The following AOPEP variants were observed in gnomAD, a reference collection of about 807,000 sequenced individuals.
AOPEP encodes aminopeptidase O (putative), also known as aminopeptidase O.
In AOPEP, 77 loss-of-function variants were observed where a neutral mutation model predicts 98.1. The ratio of observed to expected loss-of-function variants is 0.78; its 90% CI spans 0.65 to 0.95. The LOEUF is 0.95. AOPEP is among the 40% of genes least tolerant of loss of function. AOPEP has a pLI of 0.00. For synonymous variants in AOPEP, 346 were observed against 365.3 expected, an observed-to-expected ratio of 0.95 and a Z score of 0.60; for missense variants, 1,024 against 1,024.7, an observed-to-expected ratio of 1.00 and a Z score of 0.01.
At chr9:94,918,430 CAG>C (rs1174536738) in intron 5 of AOPEP, among the ~76,000 whole-genome samples, 1 of 152,182 alleles carries the variant, frequency 6.6e-6, no homozygotes, top group Non-Finnish European at 1.5e-5. Context: ...CTCCTGAAGA[CAG>C]AGCTCCTGGG....
the AOPEP span, among the ~76,000 whole-genome samples, chr9:95,131,026 C>T: frequency 6.6e-6 from 1 of 152,126 alleles, no homozygotes; most frequent in East Asian, 1.9e-4. Flanking sequence ...ATTCAGGTTC[C>T]TTTTAACAAA....
the AOPEP span, among the ~76,000 whole-genome samples, chr9:95,104,015 G>C: frequency 2.0e-5 from 3 of 152,174 alleles, no homozygotes; most frequent in African/African-American, 7.2e-5. Flanking sequence ...GGTCCTGAGG[G>C]TGGAGAGACC....
intron 11 of AOPEP, among the ~76,000 whole-genome samples, chr9:94,990,863 G>C (rs904375796): frequency 6.6e-6 from 1 of 152,036 alleles, no homozygotes; most frequent in Non-Finnish European, 1.5e-5. Flanking sequence ...CCTGACCTCA[G>C]GTGATCCTCC....
At chr9:94,944,160 A>C (rs1008501477) in intron 7 of AOPEP, among the ~76,000 whole-genome samples, 1 of 152,298 alleles carries the variant, frequency 6.6e-6, no homozygotes, top group East Asian at 1.9e-4. Context: ...CTGTTGGTAA[A>C]ATGGTGCAGC....
intron 4 of AOPEP, among the ~76,000 whole-genome samples, chr9:94,797,429 CAAAA>C (rs536953016): frequency 3.1e-5 from 3 of 97,508 alleles, no homozygotes; most frequent in Admixed American, 1.0e-4. Flanking sequence ...GACTCCGTCT[CAAAA>C]AAAAAAAAAA....
chr9:95,071,184 G>A (rs958455402), intron 14 of AOPEP, among the ~76,000 whole-genome samples: 19 of 152,010 alleles, frequency 1.2e-4, no homozygotes, highest in African/African-American at 4.6e-4. Flanking sequence ...CAGTTATTAG[G>A]ATATTTGTAT....
intron 6 of AOPEP, 67 bp from the exon 7 acceptor site, chr9:94,928,358 A>G (rs1249354484): frequency 2.6e-6 from 3 of 1,161,080 alleles, no homozygotes; most frequent in South Asian, 2.7e-5. Context: ...AAAGTGAGCC[A>G]TTGCACCAGG....
intron 5 of AOPEP, among the ~76,000 whole-genome samples, chr9:94,854,607 A>T (rs1268396659): frequency 6.6e-6 from 1 of 152,216 alleles, no homozygotes; most frequent in Non-Finnish European, 1.5e-5. Context: ...AGAACTAATG[A>T]CATACTATAG....
At chr9:95,136,986 C>G in the AOPEP span, among the ~76,000 whole-genome samples, 1 of 152,196 alleles carries the variant, frequency 6.6e-6, no homozygotes, top group Non-Finnish European at 1.5e-5. Flanking sequence ...ACATCCCAGA[C>G]AGTGGGTGCT....
chr9:94,927,463 A>G (rs2054525930), intron 6 of AOPEP, among the ~76,000 whole-genome samples: 1 of 151,990 alleles, frequency 6.6e-6, no homozygotes, highest in Admixed American at 6.6e-5. Context: ...ATGCCTTGCC[A>G]TTCTCTAAGC....
chr9:94,946,744 G>A (rs1048812437), intron 7 of AOPEP, among the ~76,000 whole-genome samples: 1 of 152,144 alleles, frequency 6.6e-6, no homozygotes, highest in Non-Finnish European at 1.5e-5. Context: ...CCGCATGCCT[G>A]GGAGAACGTT....
Position 94,818,875 on chromosome 9 carries a change from C to T in AOPEP, c.1364+17873C>T, listed in dbSNP as rs1852308424. 2.0e-5 allele frequency among the ~76,000 whole-genome samples: 3 copies of T among 152,062 alleles called. No individual in the cohort carries two copies. The South Asian group carries it at 6.2e-4, about 32-fold the overall frequency. The stretch of plus-strand genomic sequence containing the variant: ...CGGGCATGGTGGCGGGCACCTGTAG[C>T]CCCAGCCACTCGGGACGCTGAGGCA... On this transcript the variant is annotated intron_variant, in intron 5 of 16. Transcript: ENST00000375315.
In AOPEP at chr9:94,747,640, A is replaced by G. The variant is rs55946331; in HGVS notation, c.-135-12009A>G. On this transcript the variant is annotated intron_variant, in intron 1 of 16. Coordinates refer to ENST00000375315, the MANE Select transcript of AOPEP (RefSeq NM_001193329.3). ...AAAGATTAAAATTTTACCAGAGATA[A>G]TGGTGGTCATTAGATTGGCCAGTTT... 4.7e-3 allele frequency among the ~76,000 whole-genome samples: 713 copies of G among 152,368 alleles called. 9 individuals are homozygous for G. Among genetic ancestry groups the G allele is most frequent in the South Asian group, 0.042 (201 of 4,830 alleles).
At chr9:94,876,255 T>G (rs796994505) in intron 5 of AOPEP, among the ~76,000 whole-genome samples, 18 of 152,284 alleles carry the variant, frequency 1.2e-4, no homozygotes, top group African/African-American at 4.1e-4. Context: ...TAGAATATAT[T>G]TAAAGATGAC....
At chr9:95,115,143 T>C in the AOPEP span, among the ~76,000 whole-genome samples, 1 of 152,168 alleles carries the variant, frequency 6.6e-6, no homozygotes, top group Non-Finnish European at 1.5e-5. Context: ...GGTTTCACTA[T>C]GTTTCTCAGA....
chr9:95,030,736 C>G (rs1013430179), intron 13 of AOPEP, among the ~76,000 whole-genome samples: 1 of 152,202 alleles, frequency 6.6e-6, no homozygotes, highest in African/African-American at 2.4e-5. Context: ...TCAGGGGACA[C>G]TGCCAGCTCC....
chr9:94,911,413 C>T (rs1408583684), intron 5 of AOPEP, among the ~76,000 whole-genome samples: 1 of 152,244 alleles, frequency 6.6e-6, no homozygotes, highest in Non-Finnish European at 1.5e-5. Context: ...CTCAGAGCAG[C>T]CACTGGCTTG....
chr9:95,036,612 T>C (rs1018369636), intron 13 of AOPEP, among the ~76,000 whole-genome samples: 2 of 152,162 alleles, frequency 1.3e-5, no homozygotes, highest in African/African-American at 4.8e-5. Context: ...AATGTCAGAA[T>C]GTTGGGTTTT....
intron 13 of AOPEP, among the ~76,000 whole-genome samples, chr9:95,021,402 CT>C (rs1273807050): frequency 6.6e-5 from 10 of 152,214 alleles, no homozygotes; most frequent in African/African-American, 2.4e-4. Flanking sequence ...ATGAAAGGCT[CT>C]GGGAAAAGGC....
Sources: allele counts gnomAD v4.1 joint callset (sites outside exome capture counted in the v4.1 genomes callset), GRCh38; gene constraint gnomAD v4.1.1; transcripts MANE v1.5; gene names NCBI Gene and HGNC (gene_info 2026-07-23, HGNC 2026-07-21).